Variants in GTF3C1 observed in about 807,000 individuals in gnomAD.
The protein encoded by GTF3C1 is general transcription factor 3C polypeptide 1.
In GTF3C1, 57 loss-of-function variants were observed where a neutral mutation model predicts 226.7. The ratio of observed to expected loss-of-function variants is 0.25; its 90% confidence interval spans 0.20 to 0.31. The LOEUF (loss-of-function observed/expected upper bound fraction) is 0.31, where lower values mean the gene tolerates loss of function less well. GTF3C1 is among the 10% of genes least tolerant of loss of function. GTF3C1 has a pLI of 1.00. For missense variants in GTF3C1, 2,217 were observed against 2,776.1 expected, an observed-to-expected ratio of 0.80 and a Z score of 4.53; for synonymous variants, 1,090 against 1,084.8, an observed-to-expected ratio of 1.00 and a Z score of -0.09.
intron 1 of GTF3C1, 150 bp downstream of exon 1, chr16:27,549,520 C>T: frequency 1.6e-6 from 1 of 607,574 alleles, no homozygotes; most frequent in Non-Finnish European, 2.9e-6. Context: ...TGAGGGACCC[C>T]AGATTAGCCT....
intron 14 of GTF3C1, among the ~76,000 whole-genome samples, chr16:27,495,733 C>T (rs906574538): frequency 2.0e-5 from 3 of 152,192 alleles, no homozygotes; most frequent in African/African-American, 7.2e-5. Context: ...AGGAGGGCTG[C>T]AATTCTACAA....
At chr16:27,495,844 G>C (rs1294882881) in intron 14 of GTF3C1, among the ~76,000 whole-genome samples, 5 of 152,228 alleles carry the variant, frequency 3.3e-5, no homozygotes, top group African/African-American at 1.2e-4. Context: ...GCAAATGCAA[G>C]GGGCCTGAGG....
intron 7 of GTF3C1, 92 bp from the exon 8 acceptor site, chr16:27,508,747 G>C: frequency 1.2e-6 from 1 of 861,182 alleles, no homozygotes; most frequent in Non-Finnish European, 1.9e-6. Context: ...CAGACATTTT[G>C]ATGCTGTGAA....
intron 11 of GTF3C1, among the ~76,000 whole-genome samples, chr16:27,501,829 G>A (rs148487320): frequency 2.6e-5 from 4 of 152,194 alleles, no homozygotes; most frequent in Non-Finnish European, 2.9e-5. Flanking sequence ...GCCAGTGGGC[G>A]TGGTGGCTCA....
chr16:27,520,971 G>C (rs1483748338), intron 6 of GTF3C1, among the ~76,000 whole-genome samples: 1 of 152,306 alleles, frequency 6.6e-6, no homozygotes, highest in African/African-American at 2.4e-5. Context: ...CACCCACCTG[G>C]GCCTGCCAAA....
At chr16:27,501,406 C>A in intron 11 of GTF3C1, 62 bp from the exon 12 acceptor site, 1 of 1,463,992 alleles carries the variant, frequency 6.8e-7, no homozygotes, top group Non-Finnish European at 9.5e-7. Context: ...CTTCCTCAAC[C>A]CAGGCAACAC....
intron 29 of GTF3C1, among the ~76,000 whole-genome samples, chr16:27,473,976 A>G (rs1300429394): frequency 6.6e-6 from 1 of 152,206 alleles, no homozygotes; most frequent in Non-Finnish European, 1.5e-5. Flanking sequence ...GTATTCCCAC[A>G]TAACAGGATA....
chr16:27,492,721 A>G lies in GTF3C1; in HGVS notation c.2877-8T>C. 1 of 1,491,234 alleles carries G rather than the reference A, an allele frequency of 6.7e-7. No homozygotes were observed. Among genetic ancestry groups the G allele is most frequent in the Non-Finnish European group, 9.4e-7 (1 of 1,067,750 alleles). 92.4% of individuals were successfully genotyped at this position (1,491,234 alleles called of 1,614,324 possible). A position where few individuals can be genotyped will look rare whatever the true frequency, so the allele number is the denominator to read the frequency against. On this transcript the variant is annotated splice_region_variant and splice_polypyrimidine_tract_variant and intron_variant, in intron 17 of 36. Transcript: ENST00000356183. This position sits in a 1 kb window ranked among gnomAD's most constrained non-coding sequence, Gnocchi z 5.0. ...ACCGAAAAAATGTAACGCCTAGAAA[A>G]CAGAGGGGGCGGGAGGTTCTCATCA... is the stretch of plus-strand genomic sequence containing the variant.
intron 32 of GTF3C1, 119 bp from the exon 33 acceptor site, chr16:27,465,659 G>A (rs1450004767): frequency 1.3e-6 from 1 of 776,324 alleles, no homozygotes; most frequent in Non-Finnish European, 2.0e-6. Context: ...TTCCCCGACA[G>A]CCACAGGGGT....
intron 2 of GTF3C1, among the ~76,000 whole-genome samples, chr16:27,538,904 A>C (rs536836115): frequency 6.1e-4 from 78 of 126,946 alleles, no homozygotes; most frequent in Admixed American, 1.4e-3. Flanking sequence ...TTCTAGCCCC[A>C]CCCCCACCAT....
intron 6 of GTF3C1, among the ~76,000 whole-genome samples, chr16:27,521,534 G>A (rs192181366): frequency 0.012 from 1,755 of 152,344 alleles, 18 homozygotes; most frequent in Non-Finnish European, 0.018. Flanking sequence ...GGAGATCAGC[G>A]GGGAAGAGGC....
At chr16:27,519,279 G>A (rs1012510315) in intron 6 of GTF3C1, among the ~76,000 whole-genome samples, 12 of 152,198 alleles carry the variant, frequency 7.9e-5, no homozygotes, top group African/African-American at 2.7e-4. Context: ...GTGAGGATAC[G>A]GAGAAAGGTA....
chr16:27,473,330 G>A (rs1238015855), intron 29 of GTF3C1, among the ~76,000 whole-genome samples: 1 of 152,258 alleles, frequency 6.6e-6, no homozygotes, highest in Non-Finnish European at 1.5e-5. Flanking sequence ...TAGTGAACAA[G>A]CAGCTCAAAG....
intron 7 of GTF3C1, among the ~76,000 whole-genome samples, chr16:27,509,698 C>A (rs1160162669): frequency 7.0e-6 from 1 of 142,014 alleles, no homozygotes; most frequent in Non-Finnish European, 1.5e-5. Context: ...GCGGAGCTTG[C>A]AGTGAGCCGA....
In GTF3C1 at chr16:27,464,620, G is replaced by A. The variant is rs34737721; in HGVS notation, c.5572C>T (p.Arg1858Trp). The change falls in exon 34 of 37, where the codon CGG (arginine) becomes TGG (tryptophan). Residue 1858 changes from arginine (R) to tryptophan (W), a missense_variant. Physicochemically the swap from Arg to Trp is moderately radical, Grantham distance 101. This residue lies in a region of GTF3C1 where 455 missense variants were observed against 441.9 expected (regional missense o/e 1.03). Coordinates refer to ENST00000356183, the MANE Select transcript of GTF3C1 (RefSeq NM_001520.4). ...EGQAPPSHSP[R>W]GTKRRASWAS... ...CAGCTGGCGCGCCTCTTGGTGCCCC[G>A]GGGGCTGTGAGAAGGAGGTGCCTGC... 4.8e-5 allele frequency: 72 copies of A among 1,503,946 alleles called. No homozygotes were observed. The highest frequency in any genetic ancestry group is 3.2e-4 in the South Asian group (24 of 73,878). 93.2% of individuals were successfully genotyped at this position (1,503,946 alleles called of 1,614,324 possible).
intron 5 of GTF3C1, among the ~76,000 whole-genome samples, chr16:27,530,508 C>T (rs764428224): frequency 2.6e-5 from 4 of 152,150 alleles, no homozygotes; most frequent in East Asian, 1.9e-4. Context: ...CCAAATCCCC[C>T]CAAAAGGCAG....
chr16:27,489,533 GGGCA>G, intron 20 of GTF3C1, 65 bp downstream of exon 20: 5 of 1,252,958 alleles, frequency 4.0e-6, no homozygotes, highest in Non-Finnish European at 5.6e-6. Flanking sequence ...AGACAAGGGC[GGGCA>G]GGCATCTGAA....
rs1443180128 is a variant in GTF3C1, at chr16:27,503,009, C to T, written c.1771-14G>A. On this transcript the variant is annotated splice_polypyrimidine_tract_variant and intron_variant, in intron 10 of 36. Transcript: ENST00000356183. ...ACTGCTACTCTCCTAGAACAGAGAC[C>T]GAAAGCACAAGATGCAATGGGCTCG... 1.2e-6 allele frequency: 2 copies of T among 1,609,776 alleles called. No homozygotes were observed. Among genetic ancestry groups the T allele is most frequent in the Non-Finnish European group, 1.7e-6 (2 of 1,176,202 alleles).
chr16:27,504,991 C>T (rs548343104), intron 10 of GTF3C1, among the ~76,000 whole-genome samples: 2 of 152,216 alleles, frequency 1.3e-5, no homozygotes, highest in African/African-American at 2.4e-5. Flanking sequence ...TCAAAAGCCA[C>T]CCGAGACCAT....
Sources: gnomAD v4.1 joint callset for allele counts (sites outside exome capture counted in the v4.1 genomes callset) on GRCh38, gnomAD v4.1.1 for gene constraint, gnomAD v4.1.1 regional missense constraint, Gnocchi (gnomAD v3.1) non-coding constraint, MANE v1.5 for transcripts, NCBI Gene and HGNC (gene_info 2026-07-23, HGNC 2026-07-21) for gene names.